BCKDHA: variants seen among roughly 807,000 people sequenced by gnomAD.
BCKDHA encodes the protein branched chain keto acid dehydrogenase E1 subunit alpha.
BCKDHA carries 43 observed loss-of-function variants against 52.2 expected under a neutral mutation model. The ratio of observed to expected loss-of-function variants is 0.82; its 90% confidence interval spans 0.64 to 1.06. The LOEUF (loss-of-function observed/expected upper bound fraction) is 1.06, where lower values mean the gene tolerates loss of function less well. BCKDHA is among the 50% of genes least tolerant of loss of function. The pLI, the probability that BCKDHA is intolerant of heterozygous loss-of-function variation, is 0.00. For missense variants in BCKDHA, 527 were observed against 621.3 expected (o/e 0.85, Z 1.61); for synonymous variants, 234 against 247.9 (o/e 0.94, Z 0.53).
At chr19:41,413,602 G>A (rs141859856) in intron 3 of BCKDHA, among the ~76,000 whole-genome samples, 11 of 152,330 alleles carry the variant, frequency 7.2e-5, no homozygotes, top group Non-Finnish European at 1.6e-4. Flanking sequence ...CCCTTGAGAA[G>A]ACTGTCGGCA....
At chr19:41,424,123 GAGGGCAGCACCCGGCAT>G in intron 8 of BCKDHA, among the ~76,000 whole-genome samples, 1 of 152,192 alleles carries the variant, frequency 6.6e-6, no homozygotes, top group Non-Finnish European at 1.5e-5. Context: ...GCCCAGTGGT[GAGGGCAGCACCCGGCAT>G]AGGGCAGCAC....
In BCKDHA at chr19:41,419,152, G is replaced by C; in HGVS notation, c.502G>C (p.Asp168His). 6.2e-7 allele frequency: 1 copy of C among 1,614,166 alleles called. No individual in the cohort carries two copies. The highest frequency in any genetic ancestry group is 8.5e-7 in the Non-Finnish European group (1 of 1,180,014). ...CCTCCTAGGTGTGCTGATGTATCGG[G>C]ACTACCCCCTGGAACTATTCATGGC... ...YREAGVLMYR[D>H]YPLELFMAQC... The change falls in exon 5 of 9, where the codon GAC (aspartate) becomes CAC (histidine). Residue 168 changes from aspartate (D) to histidine (H), a missense_variant. Asp to His is a moderately conservative substitution (Grantham distance 81). Coordinates refer to ENST00000269980, the MANE Select transcript of BCKDHA (RefSeq NM_000709.4).
intron 1 of BCKDHA, among the ~76,000 whole-genome samples, chr19:41,404,243 G>A (rs894701041): frequency 1.3e-5 from 2 of 151,804 alleles, no homozygotes; most frequent in Non-Finnish European, 2.9e-5. Context: ...GCCTCCCAAA[G>A]TATTGAGATT....
intron 5 of BCKDHA, among the ~76,000 whole-genome samples, chr19:41,419,600 C>G (rs528863160): frequency 6.6e-6 from 1 of 152,122 alleles, no homozygotes; most frequent in East Asian, 1.9e-4. Context: ...CACCACCACG[C>G]CCAGCTAATT....
intron 5 of BCKDHA, among the ~76,000 whole-genome samples, chr19:41,420,403 A>C (rs374657758): frequency 1.3e-5 from 2 of 152,078 alleles, no homozygotes; most frequent in African/African-American, 4.8e-5. Flanking sequence ...AAAGTGCAGG[A>C]GCCTGGCCAA....
intron 3 of BCKDHA, among the ~76,000 whole-genome samples, chr19:41,412,807 G>A (rs2039271072): frequency 6.6e-6 from 1 of 152,092 alleles, no homozygotes; most frequent in Non-Finnish European, 1.5e-5. Context: ...AGGTTCAAGT[G>A]ATTCTCCTGC....
intron 4 of BCKDHA, among the ~76,000 whole-genome samples, chr19:41,416,370 C>G (rs1345410894): frequency 6.6e-6 from 1 of 152,206 alleles, no homozygotes; most frequent in Non-Finnish European, 1.5e-5. Context: ...CATTGAGGCA[C>G]CTCCCCCATC....
rs2039382789 is a variant in BCKDHA, at chr19:41,422,756, G to A, written c.981G>A (p.Glu327=). Residue 327 remains glutamate (E), a synonymous_variant, in exon 7 of 9, where the codon GAG becomes GAA. Coordinates refer to ENST00000269980, the MANE Select transcript of BCKDHA (RefSeq NM_000709.4). ...CAGAGAACCAGCCCTTCCTCATCGA[G>A]GCCATGACCTACAGGTGCCTGCCGC... ...AVAENQPFLI[E]AMTYRIGHHS... is the part of the protein sequence containing the mutation. 2 of 1,613,502 alleles carry A rather than the reference G, an allele frequency of 1.2e-6. No individual in the cohort carries two copies. Among genetic ancestry groups the A allele is most frequent in the Non-Finnish European group, 1.7e-6 (2 of 1,180,018 alleles).
Position 41,422,361 on chromosome 19 carries a change from G to C in BCKDHA, c.844G>C (p.Asp282His), listed in dbSNP as rs869312124. The change falls in exon 6 of 9, where the codon GAT becomes CAT. Residue 282 changes from aspartate (D) to histidine (H), a missense_variant. Coordinates refer to ENST00000269980, the MANE Select transcript of BCKDHA (RefSeq NM_000709.4). The part of the protein sequence containing the change: ...STPTSEQYRG[D>H]GIAARGPGYG... Reference sequence around the variant, plus strand: ...GCCCACCTCTGAGCAGTATCGCGGCGATGGCATTGGTATGGGCTCTGCTGG... The same window carrying C: ...GCCCACCTCTGAGCAGTATCGCGGCCATGGCATTGGTATGGGCTCTGCTGG... 1 of 1,614,152 alleles carries C rather than the reference G, an allele frequency of 6.2e-7. No homozygotes were observed. Among genetic ancestry groups the C allele is most frequent in the South Asian group, 1.1e-5 (1 of 91,084 alleles).
chr19:41,423,982 G>C (rs1212263902), intron 8 of BCKDHA, among the ~76,000 whole-genome samples: 1 of 151,436 alleles, frequency 6.6e-6, no homozygotes, highest in Non-Finnish European at 1.5e-5. Flanking sequence ...AACAGAGCAA[G>C]ACTATCTCTT....
At chr19:41,419,760 TTTTTTTTTTTTTTTTTTTTG>T (rs1465615490) in intron 5 of BCKDHA, among the ~76,000 whole-genome samples, 1 of 17,746 alleles carries the variant, frequency 5.6e-5, no homozygotes, top group Non-Finnish European at 1.0e-4. Context: ...TTTTTTTTTT[TTTTTTTTTTTTTTTTTTTTG>T]GTCTGAGACG....
At chr19:41,424,232 T>G (rs1241492870) in intron 8 of BCKDHA, among the ~76,000 whole-genome samples, 1 of 152,234 alleles carries the variant, frequency 6.6e-6, no homozygotes, top group East Asian at 1.9e-4. Context: ...CTGAAAGCCT[T>G]AAATGATTCC....
chr19:41,403,748 G>T (rs2039162437), intron 1 of BCKDHA, among the ~76,000 whole-genome samples: 1 of 152,200 alleles, frequency 6.6e-6, no homozygotes. Context: ...CCACCAGCCT[G>T]TGAGGTGGAT....
At chr19:41,418,905 C>T (rs1051703789) in intron 4 of BCKDHA, 16 of 553,204 alleles carry the variant, frequency 2.9e-5, no homozygotes, top group Middle Eastern at 2.8e-4. Flanking sequence ...CACTTAAATA[C>T]CAGACAATAT....
chr19:41,422,133 C>G, intron 5 of BCKDHA, 31 bp from the exon 6 acceptor site: 1 of 1,601,422 alleles, frequency 6.2e-7, no homozygotes, highest in Non-Finnish European at 8.5e-7. Context: ...TGAGTCTCCG[C>G]CCCTGCTCAC....
rs561369235 is a variant in BCKDHA, at chr19:41,415,717, C to T, written c.484+1560C>T. Among the ~76,000 whole-genome samples the T allele has an allele frequency of 6.2e-5, 9 of 145,422 alleles. No individual in the cohort carries two copies. The East Asian group carries it at 1.5e-3, about 24-fold the overall frequency. ...AGGCTGGAGTGCAGTGGCGCGATCT[C>T]GGCTCACTGCAAGCTCCACCTCCTG... On this transcript the variant is annotated intron_variant, in intron 4 of 8. Transcript: ENST00000269980.
Position 41,410,394 on chromosome 19 carries a change from G to A in BCKDHA, c.109-243G>A, listed in dbSNP as rs139729496. Among the ~76,000 whole-genome samples the A allele has an allele frequency of 1.4e-3, 215 of 152,334 alleles. 2 individuals are homozygous for A. The highest frequency in any genetic ancestry group is 2.5e-3 in the Non-Finnish European group (172 of 68,022). On this transcript the variant is annotated intron_variant, in intron 1 of 8. Transcript: ENST00000269980. ...CTCACAACAGTCCTATGGGATAGGTGTTAACTGTTTTCATCCCAGTTTTTC... is the reference window on the plus strand; with the variant it reads ...CTCACAACAGTCCTATGGGATAGGTATTAACTGTTTTCATCCCAGTTTTTC...
intron 1 of BCKDHA, among the ~76,000 whole-genome samples, chr19:41,408,968 G>A (rs1568503078): frequency 6.6e-6 from 1 of 151,886 alleles, no homozygotes; most frequent in Non-Finnish European, 1.5e-5. Flanking sequence ...CTTTTTTTGT[G>A]TGTGTGGCAG....
intron 4 of BCKDHA, 129 bp from the exon 5 acceptor site, chr19:41,419,006 C>A: frequency 2.7e-6 from 3 of 1,117,032 alleles, no homozygotes; most frequent in Non-Finnish European, 4.0e-6. Context: ...TCAGTCTGAA[C>A]ATCAGTCTTC....
Sources: allele counts gnomAD v4.1 joint callset (sites outside exome capture counted in the v4.1 genomes callset), GRCh38; gene constraint gnomAD v4.1.1; transcripts MANE v1.5; gene names NCBI Gene and HGNC (gene_info 2026-07-23, HGNC 2026-07-21).